C9: variants seen among roughly 807,000 people sequenced by gnomAD.
C9 encodes complement component C9.
A neutral mutation model predicts 65.4 loss-of-function variants in C9; 63 were observed. That is an observed-to-expected ratio of 0.96 (90% CI 0.79 to 1.19). The LOEUF is 1.19. Ranked by LOEUF, C9 falls within the 50% of genes most tolerant of loss-of-function variation. The pLI is 0.00. For missense variants in C9, 744 were observed against 670.1 expected, an observed-to-expected ratio of 1.11 and a Z score of -1.22; for synonymous variants, 229 against 227.9, an observed-to-expected ratio of 1.00 and a Z score of -0.04.
intron 9 of C9, 84 bp downstream of exon 9, chr5:39,306,533 G>T: frequency 9.2e-7 from 1 of 1,083,936 alleles, no homozygotes; most frequent in Non-Finnish European, 1.4e-6. Flanking sequence ...TCTTTCAGAT[G>T]AAGCTAACAG....
At chr5:39,323,349 C>T (rs905782201) in intron 5 of C9, among the ~76,000 whole-genome samples, 1 of 151,788 alleles carries the variant, frequency 6.6e-6, no homozygotes, top group East Asian at 1.9e-4. Flanking sequence ...CAAAGCCAGA[C>T]AAGAACACTG....
At chr5:39,286,723 T>A (rs985591177) in intron 10 of C9, among the ~76,000 whole-genome samples, 64 of 152,028 alleles carry the variant, frequency 4.2e-4, no homozygotes, top group African/African-American at 1.5e-3. Flanking sequence ...AGTGAGAGTT[T>A]TTTTTGGAAC....
At chr5:39,291,849 G>A (rs1000031318) in intron 9 of C9, among the ~76,000 whole-genome samples, 3 of 151,724 alleles carry the variant, frequency 2.0e-5, no homozygotes, top group Non-Finnish European at 4.4e-5. Flanking sequence ...GAAAGAATCA[G>A]TAAACTTGAT....
At chr5:39,335,745 A>T (rs1753951946) in intron 4 of C9, among the ~76,000 whole-genome samples, 1 of 151,986 alleles carries the variant, frequency 6.6e-6, no homozygotes, top group Admixed American at 6.6e-5. Context: ...GGTACATGTG[A>T]GTGCTTTACA....
In C9 at chr5:39,316,047, AG is replaced by A; in HGVS notation, c.616-19del. On this transcript the variant is annotated intron_variant, in intron 5 of 10. Coordinates refer to ENST00000263408, the MANE Select transcript of C9 (RefSeq NM_001737.5). Reference sequence around the variant, plus strand: ...CCTTTGGTCTAAAAGAGAATAAAAAAGTGTTGTTAAAAACAAGATACGAAAC... The same window carrying A: ...CCTTTGGTCTAAAAGAGAATAAAAAATGTTGTTAAAAACAAGATACGAAAC... The A allele has an allele frequency of 6.2e-7, 1 of 1,602,278 alleles. No individual in the cohort carries two copies. Among genetic ancestry groups the A allele is most frequent in the African/African-American group, 1.3e-5 (1 of 74,742 alleles).
chr5:39,309,174 T>A (rs1417310171), intron 7 of C9, among the ~76,000 whole-genome samples: 1 of 151,590 alleles, frequency 6.6e-6, no homozygotes, highest in Non-Finnish European at 1.5e-5. Context: ...ATAAAAAAAA[T>A]AATTATTCCT....
rs12515738 is a variant in C9, at chr5:39,302,936, A to G, written c.1416+3681T>C. Among the ~76,000 whole-genome samples, 1,394 of 152,312 alleles carry G rather than the reference A, an allele frequency of 9.2e-3. 62 individuals are homozygous for G. Among genetic ancestry groups the G allele is most frequent in the Admixed American group, 0.07 (1,075 of 15,280 alleles). On this transcript the variant is annotated intron_variant, in intron 9 of 10. Transcript: ENST00000263408. ...GAGTAATATTTCTTATGAGTCTCAT[A>G]AAGAGGACACAGCATTACATAACAA...
chr5:39,355,529 T>C (rs555276798), intron 1 of C9, among the ~76,000 whole-genome samples: 3 of 152,304 alleles, frequency 2.0e-5, no homozygotes, highest in Admixed American at 6.5e-5. Flanking sequence ...TTGCCTTTTA[T>C]CTTTTATTGC....
At chr5:39,336,992 T>C (rs1179052844) in intron 4 of C9, among the ~76,000 whole-genome samples, 2 of 152,050 alleles carry the variant, frequency 1.3e-5, no homozygotes, top group Non-Finnish European at 2.9e-5. Context: ...GTTTTTTTTT[T>C]CCTCTCTATA....
At chr5:39,360,363 A>T (rs1386175806) in intron 1 of C9, among the ~76,000 whole-genome samples, 1 of 152,060 alleles carries the variant, frequency 6.6e-6, no homozygotes, top group East Asian at 1.9e-4. Flanking sequence ...GCAGAGTTGG[A>T]ATTGAAACCC....
rs564637052 is a variant in C9, at chr5:39,285,340, G to A, written c.1646-107C>T. ...TTCTTATCCTCTTGCACCACGTTGT[G>A]CCATACTGTCTAGGTACTGGGAATA... On this transcript the variant is annotated intron_variant, in intron 10 of 10. Coordinates refer to ENST00000263408, the MANE Select transcript of C9 (RefSeq NM_001737.5). 7.1e-5 allele frequency: 60 copies of A among 847,038 alleles called. 1 individual carries two copies. Among genetic ancestry groups the A allele is most frequent in the African/African-American group, 6.5e-4 (39 of 60,260 alleles). The allele number at this position is 847,038 out of a possible 1,614,324, so 52.5% of individuals were successfully genotyped here. A position where few individuals can be genotyped will look rare whatever the true frequency, so the allele number is the denominator to read the frequency against.
chr5:39,352,593 C>T (rs1185826246), intron 1 of C9, among the ~76,000 whole-genome samples: 1 of 152,154 alleles, frequency 6.6e-6, no homozygotes. Context: ...TAGTCAACCA[C>T]AAAAATTTGC....
rs145651118 is a variant in C9, at chr5:39,294,044, T to C, written c.1417-5093A>G. Among the ~76,000 whole-genome samples, 16 of 151,878 alleles carry C rather than the reference T, an allele frequency of 1.1e-4. No individual in the cohort carries two copies. In the East Asian group the frequency reaches 2.9e-3, roughly 27 times the overall value. On this transcript the variant is annotated intron_variant, in intron 9 of 10. Coordinates refer to ENST00000263408, the MANE Select transcript of C9 (RefSeq NM_001737.5). ...AAACAGAACATACCAAAACTGACGATACACAGAAAAGGCAGTAGTAAGAGG... is the reference window on the plus strand; with the variant it reads ...AAACAGAACATACCAAAACTGACGACACACAGAAAAGGCAGTAGTAAGAGG...
chr5:39,307,036 G>A (rs370415730), intron 8 of C9, among the ~76,000 whole-genome samples: 22 of 152,206 alleles, frequency 1.4e-4, no homozygotes, highest in African/African-American at 4.8e-4. Context: ...TGATACCCAT[G>A]GTCTAGATAC....
At position 39,315,989 on chromosome 5, in the gene C9, T is replaced by C. The variant is rs768789173; in HGVS notation, c.656A>G (p.Glu219Gly). The change falls in exon 6 of 11, where the codon GAA (glutamate) becomes GGA (glycine). Residue 219 changes from glutamate to glycine, a missense_variant. Coordinates refer to ENST00000263408, the MANE Select transcript of C9 (RefSeq NM_001737.5). Reference sequence around the variant, plus strand: ...GATACTTTTAAATGCTTCAATTTGTTCTTCGTAATGTTCGGTTCTGAAATT... The same window carrying C: ...GATACTTTTAAATGCTTCAATTTGTCCTTCGTAATGTTCGGTTCTGAAATT... ...EKNFRTEHYE[E>G]QIEAFKSIIQ... The C allele has an allele frequency of 1.7e-5, 27 of 1,612,604 alleles. No homozygotes were observed. The highest frequency in any genetic ancestry group is 2.3e-5 in the Non-Finnish European group (27 of 1,179,126).
chr5:39,342,289 C>T, intron 1 of C9, 93 bp from the exon 2 acceptor site: 2 of 724,016 alleles, frequency 2.8e-6, no homozygotes, highest in South Asian at 1.5e-5. Flanking sequence ...GTACTTTATC[C>T]CCTCTCAAAT....
intron 4 of C9, among the ~76,000 whole-genome samples, chr5:39,336,287 T>C (rs518197): frequency 0.021 from 3,176 of 152,208 alleles, 109 homozygotes; most frequent in African/African-American, 0.073. Context: ...AGACTTCCTA[T>C]ATACTCTATG....
At position 39,336,029 on chromosome 5, in the gene C9, T is replaced by C. The variant is rs1408880131; in HGVS notation, c.477-4215A>G. Among the ~76,000 whole-genome samples, 3 of 152,172 alleles carry C rather than the reference T, an allele frequency of 2.0e-5. No individual in the cohort carries two copies. The East Asian group carries it at 5.8e-4, about 29-fold the overall frequency. ...TAATATTTTTCATCTTAAGATTAAG[T>C]AGATGCAAAGAATATAATTCCTAAT... is the stretch of plus-strand genomic sequence containing the variant. On this transcript the variant is annotated intron_variant, in intron 4 of 10. Coordinates refer to ENST00000263408, the MANE Select transcript of C9 (RefSeq NM_001737.5).
chr5:39,332,092 C>T (rs1003308417), intron 4 of C9, among the ~76,000 whole-genome samples: 3 of 152,194 alleles, frequency 2.0e-5, no homozygotes, highest in Admixed American at 1.3e-4. Context: ...ATGGGACCAT[C>T]TGGTTCCTGG....
Sources: allele counts gnomAD v4.1 joint callset (sites outside exome capture counted in the v4.1 genomes callset), GRCh38; gene constraint gnomAD v4.1.1; transcripts MANE v1.5; gene names NCBI Gene and HGNC (gene_info 2026-07-23, HGNC 2026-07-21).